Variants in LRFN5 observed in about 807,000 individuals in gnomAD.
LRFN5 encodes leucine-rich repeat and fibronectin type-III domain-containing protein 5.
In LRFN5, 24 loss-of-function variants were observed where a neutral mutation model predicts 45.6. That is an observed-to-expected ratio of 0.53 (90% CI 0.38 to 0.74). The LOEUF (loss-of-function observed/expected upper bound fraction) is 0.74. Among genes scored for constraint, LRFN5 ranks in the 30% least tolerant of loss-of-function variants. LRFN5 has a pLI of 0.00. For synonymous variants in LRFN5, 340 were observed against 313.8 expected (o/e 1.08, Z -0.88); for missense variants, 776 against 861.5 (o/e 0.90, Z 1.24).
chr14:41,784,548 CT>C (rs1886647827), intron 2 of LRFN5, among the ~76,000 whole-genome samples: 1 of 151,732 alleles, frequency 6.6e-6, no homozygotes, highest in African/African-American at 2.4e-5. Flanking sequence ...CATAGTTTTT[CT>C]TTTGGTTTAT....
At chr14:41,903,106 T>C (rs994402956) in intron 5 of LRFN5, among the ~76,000 whole-genome samples, 2 of 151,630 alleles carry the variant, frequency 1.3e-5, no homozygotes, top group Non-Finnish European at 3.0e-5. Flanking sequence ...TCCAAAATTA[T>C]TATTTTTGCT....
chr14:41,848,803 A>G (rs764614695), intron 2 of LRFN5, among the ~76,000 whole-genome samples: 1 of 152,050 alleles, frequency 6.6e-6, no homozygotes, highest in Non-Finnish European at 1.5e-5. Context: ...CTGGCAGAGT[A>G]TACCATACAA....
At chr14:41,686,159 T>C (rs1882111218) in intron 1 of LRFN5, among the ~76,000 whole-genome samples, 1 of 151,982 alleles carries the variant, frequency 6.6e-6, no homozygotes, top group Admixed American at 6.6e-5. Flanking sequence ...GCGTTTGTAG[T>C]TCTCCTTGAA....
At chr14:41,679,070 C>T (rs1160288559) in intron 1 of LRFN5, among the ~76,000 whole-genome samples, 1 of 151,812 alleles carries the variant, frequency 6.6e-6, no homozygotes, top group Non-Finnish European at 1.5e-5. Flanking sequence ...GCTCTCTAGC[C>T]AGAGGGGAAT....
At chr14:41,707,103 G>T (rs1230540991) in intron 1 of LRFN5, among the ~76,000 whole-genome samples, 1 of 152,184 alleles carries the variant, frequency 6.6e-6, no homozygotes, top group Non-Finnish European at 1.5e-5. Context: ...TGGAAGGTAG[G>T]TACTGCCACA....
chr14:41,874,540 G>C lies in LRFN5; in HGVS notation c.-20-12066G>C, dbSNP rs2006832. ...CTACCCACATTTTATATAGAATATT[G>C]TTCTTTGCTATACTTTCTTGGGTCC... is the stretch of plus-strand genomic sequence containing the variant. On this transcript the variant is annotated intron_variant, in intron 2 of 5. Coordinates refer to ENST00000298119, the MANE Select transcript of LRFN5 (RefSeq NM_152447.5). Among the ~76,000 whole-genome samples the C allele has an allele frequency of 0.042, 6,388 of 152,098 alleles. 794 individuals are homozygous for C. The East Asian group carries it at 0.49, about 12-fold the overall frequency.
intron 2 of LRFN5, among the ~76,000 whole-genome samples, chr14:41,817,364 G>A (rs1001261954): frequency 1.3e-5 from 2 of 151,972 alleles, no homozygotes; most frequent in Admixed American, 1.3e-4. Context: ...TGGACATGAT[G>A]TGCTAGGTAA....
chr14:41,793,881 T>C (rs1020239084), intron 2 of LRFN5, among the ~76,000 whole-genome samples: 1 of 152,050 alleles, frequency 6.6e-6, no homozygotes, highest in Non-Finnish European at 1.5e-5. Context: ...TCCTAAATGT[T>C]CCTTACATAC....
At chr14:41,696,263 A>T (rs1240851884) in intron 1 of LRFN5, among the ~76,000 whole-genome samples, 1 of 151,962 alleles carries the variant, frequency 6.6e-6, no homozygotes, top group East Asian at 1.9e-4. Context: ...TTTTCAGATG[A>T]AAAGTACTCC....
intron 2 of LRFN5, among the ~76,000 whole-genome samples, chr14:41,867,202 A>G (rs57736132): frequency 0.023 from 3,483 of 152,216 alleles, 84 homozygotes; most frequent in African/African-American, 0.061. Context: ...TTAAATATGT[A>G]TATTTGGAAT....
chr14:41,718,495 C>A (rs1440053225), intron 1 of LRFN5, among the ~76,000 whole-genome samples: 2 of 152,034 alleles, frequency 1.3e-5, no homozygotes, highest in African/African-American at 4.8e-5. Flanking sequence ...CCATTTTAAG[C>A]CTATATTTTA....
At chr14:41,770,003 G>A (rs1886022659) in intron 2 of LRFN5, among the ~76,000 whole-genome samples, 1 of 152,146 alleles carries the variant, frequency 6.6e-6, no homozygotes, top group Non-Finnish European at 1.5e-5. Flanking sequence ...GTGTGGTGGT[G>A]AGCCCCTCAG....
In LRFN5 at chr14:41,859,724, G is replaced by A. The variant is rs755234752; in HGVS notation, c.-20-26882G>A. 1.1e-3 allele frequency among the ~76,000 whole-genome samples: 174 copies of A among 152,292 alleles called. 1 individual carries two copies. Among genetic ancestry groups the A allele is most frequent in the Non-Finnish European group, 1.9e-3 (129 of 68,014 alleles). On this transcript the variant is annotated intron_variant, in intron 2 of 5. Coordinates refer to ENST00000298119, the MANE Select transcript of LRFN5 (RefSeq NM_152447.5). ...AGAAATTCATGAACATTCTGGCACA[G>A]ATTAAGAGAAAAGATGCAGTTTTAA... is the stretch of plus-strand genomic sequence containing the variant.
chr14:41,815,200 T>C, intron 2 of LRFN5, among the ~76,000 whole-genome samples: 1 of 152,144 alleles, frequency 6.6e-6, no homozygotes, highest in Admixed American at 6.5e-5. Flanking sequence ...TCAGTTTTTG[T>C]TTCTGCAAAA....
intron 2 of LRFN5, among the ~76,000 whole-genome samples, chr14:41,856,837 C>A (rs1889488830): frequency 6.8e-6 from 1 of 147,452 alleles, no homozygotes; most frequent in South Asian, 2.2e-4. Context: ...CCACTGCGCC[C>A]GGCTAATTTT....
intron 1 of LRFN5, among the ~76,000 whole-genome samples, chr14:41,739,072 A>T (rs1884573406): frequency 6.6e-6 from 1 of 152,160 alleles, no homozygotes; most frequent in African/African-American, 2.4e-5. Context: ...TGTGACTAAA[A>T]TGGCAGGAAA....
intron 1 of LRFN5, among the ~76,000 whole-genome samples, chr14:41,649,505 G>A (rs1339848848): frequency 6.6e-6 from 1 of 152,024 alleles, no homozygotes; most frequent in Admixed American, 6.6e-5. Flanking sequence ...TTATTTGCTT[G>A]GCTAAGCTTG....
intron 1 of LRFN5, among the ~76,000 whole-genome samples, chr14:41,679,514 G>C (rs1289476047): frequency 6.6e-6 from 1 of 152,194 alleles, no homozygotes; most frequent in South Asian, 2.1e-4. Flanking sequence ...AGCCAGAAGG[G>C]AACATGTTGT....
At chr14:41,721,686 A>T (rs561850003) in intron 1 of LRFN5, among the ~76,000 whole-genome samples, 110 of 152,322 alleles carry the variant, frequency 7.2e-4, no homozygotes, top group Non-Finnish European at 1.2e-3. Flanking sequence ...GAATGCTGAA[A>T]AAAGGCTTCC....
Sources: allele counts gnomAD v4.1 joint callset (sites outside exome capture counted in the v4.1 genomes callset), GRCh38; gene constraint gnomAD v4.1.1; transcripts MANE v1.5; gene names NCBI Gene and HGNC (gene_info 2026-07-23, HGNC 2026-07-21).